DDX24: variants seen among roughly 807,000 people sequenced by gnomAD.
DDX24 encodes the protein ATP-dependent RNA helicase DDX24.
DDX24 carries 24 observed loss-of-function variants against 68.9 expected under a neutral mutation model. The ratio of observed to expected loss-of-function variants is 0.35; its 90% CI spans 0.25 to 0.49. The LOEUF (loss-of-function observed/expected upper bound fraction) is 0.49, where lower values mean the gene tolerates loss of function less well. Ranked by LOEUF, DDX24 falls within the 20% of genes least tolerant of loss-of-function variation. The probability of loss-of-function intolerance (pLI) is 0.99; values close to 1 mark genes in which losing one functional copy is unlikely to be tolerated. For synonymous variants in DDX24, 395 were observed against 385.2 expected, an observed-to-expected ratio of 1.03 and a Z score of -0.30; for missense variants, 989 against 1,039.0, an observed-to-expected ratio of 0.95 and a Z score of 0.66.
intron 5 of DDX24, among the ~76,000 whole-genome samples, chr14:94,058,599 G>A (rs1357011237): frequency 1.3e-5 from 2 of 152,174 alleles, no homozygotes; most frequent in Non-Finnish European, 1.5e-5. Context: ...TCTGGTTCAT[G>A]GTAAGCACTT....
intron 2 of DDX24, among the ~76,000 whole-genome samples, chr14:94,068,404 C>T (rs1885750811): frequency 6.6e-6 from 1 of 152,120 alleles, no homozygotes; most frequent in Admixed American, 6.6e-5. Context: ...GACAGCAACA[C>T]AATAATAGTG....
chr14:94,054,494 T>C (rs1885454588), intron 7 of DDX24, among the ~76,000 whole-genome samples: 4 of 152,174 alleles, frequency 2.6e-5, no homozygotes, highest in Non-Finnish European at 4.4e-5. Context: ...TGAACTTTAT[T>C]CACAGCTGGC....
At position 94,049,386 on chromosome 14, in the gene DDX24, A is replaced by C. The variant is rs2141418032; in HGVS notation, c.*1805T>G. 1 of 152,354 alleles carries C rather than the reference A, an allele frequency of 6.6e-6. No individual in the cohort carries two copies. 9.4% of individuals were successfully genotyped at this position (152,354 alleles called of 1,614,324 possible). A position where few individuals can be genotyped will look rare whatever the true frequency, so the allele number is the denominator to read the frequency against. ...GCTGTCAGTCAGGAGCTGACCTCAC[A>C]GACGGGCAATTTCCCCTCCTATTCC... On this transcript the variant is annotated 3_prime_UTR_variant, in exon 9 of 9. Coordinates refer to ENST00000621632, the MANE Select transcript of DDX24 (RefSeq NM_020414.4).
rs760419383 is a variant in DDX24, at chr14:94,055,141, G to C, written c.2033C>G (p.Thr678Ser). The change falls in exon 7 of 9, where the codon ACT (threonine) becomes AGT (serine). Residue 678 changes from threonine (T) to serine (S), a missense_variant. Around this residue, in one of 3 missense-constraint regions of DDX24, gnomAD observed 691 missense variants for 760.0 expected, o/e 0.91. Coordinates refer to ENST00000621632, the MANE Select transcript of DDX24 (RefSeq NM_020414.4). ...GAGGCCTTCATTGGTAGCTCGAGCA[G>C]TTCGACCACTTCGGTGGACATAAAT... ...SEIYVHRSGR[T>S]ARATNEGLSL... is the part of the protein sequence containing the mutation. 2.5e-6 allele frequency: 4 copies of C among 1,614,166 alleles called. No homozygotes were observed. Among genetic ancestry groups the C allele is most frequent in the East Asian group, 2.2e-5 (1 of 44,888 alleles).
At position 94,060,468 on chromosome 14, in the gene DDX24, G is replaced by C. The variant is rs1308959883; in HGVS notation, c.1543C>G (p.Gln515Glu). 1 of 1,614,072 alleles carries C rather than the reference G, an allele frequency of 6.2e-7. No individual in the cohort carries two copies. The highest frequency in any genetic ancestry group is 1.3e-5 in the African/African-American group (1 of 74,900). The change falls in exon 5 of 9, where the codon CAG (glutamine) becomes GAG (glutamate). Residue 515 changes from glutamine to glutamate, a missense_variant. Around this residue, in one of 3 missense-constraint regions of DDX24, gnomAD observed 691 missense variants for 760.0 expected, o/e 0.91. Coordinates refer to ENST00000621632, the MANE Select transcript of DDX24 (RefSeq NM_020414.4). ...TTATGAAGGATTCGAGCAGGAGCCT[G>C]ATGCACCAGGGTGAGTGTGGCAGAA... ...VFSATLTLVH[Q>E]APARILHKKH...
chr14:94,080,975 G>A (rs1886075877), intron 1 of DDX24, 144 bp downstream of exon 1: 1 of 152,218 alleles, frequency 6.6e-6, no homozygotes, highest in Admixed American at 6.5e-5. Context: ...GTGGCACGCA[G>A]CTCGGTTGGA....
chr14:94,072,492 G>A lies in DDX24; in HGVS notation c.718+6533C>T, dbSNP rs138797412. Among the ~76,000 whole-genome samples the A allele has an allele frequency of 2.6e-5, 4 of 152,302 alleles. No homozygotes were observed. In the East Asian group the frequency reaches 5.8e-4, roughly 22 times the overall value. On this transcript the variant is annotated intron_variant, in intron 2 of 8. Coordinates refer to ENST00000621632, the MANE Select transcript of DDX24 (RefSeq NM_020414.4). ...GCAAGGGATGAAATACTACAAATAT[G>A]GTGTAGCGTATATTGCTCGGGTGAT...
intron 5 of DDX24, among the ~76,000 whole-genome samples, chr14:94,059,501 T>TAA (rs767252003): frequency 1.3e-5 from 2 of 152,236 alleles, no homozygotes; most frequent in Non-Finnish European, 2.9e-5. Flanking sequence ...TAATAAGTAG[T>TAA]AAAGGGACTA....
At chr14:94,081,051 G>A (rs1886079477) in intron 1 of DDX24, 68 bp downstream of exon 1, 1 of 152,280 alleles carries the variant, frequency 6.6e-6, no homozygotes, top group Non-Finnish European at 1.5e-5. Flanking sequence ...ACCCGCGATA[G>A]GAACCCGGGT....
At chr14:94,058,860 G>A (rs1438789571) in intron 5 of DDX24, among the ~76,000 whole-genome samples, 1 of 152,152 alleles carries the variant, frequency 6.6e-6, no homozygotes, top group Admixed American at 6.5e-5. Flanking sequence ...AGTCTCTATG[G>A]CAACTATTCA....
chr14:94,061,312 C>A (rs912948184), intron 3 of DDX24, among the ~76,000 whole-genome samples: 1 of 152,118 alleles, frequency 6.6e-6, no homozygotes, highest in Admixed American at 6.5e-5. Flanking sequence ...TCCAACCACA[C>A]CAAAGGGGCT....
At position 94,055,085 on chromosome 14, in the gene DDX24, T is replaced by C. The variant is rs1567057402; in HGVS notation, c.2089A>G (p.Ile697Val). The C allele has an allele frequency of 6.2e-7, 1 of 1,614,120 alleles. No individual in the cohort carries two copies. Among genetic ancestry groups the C allele is most frequent in the Non-Finnish European group, 8.5e-7 (1 of 1,180,058 alleles). ...GTTTTGTAAATCTTCTTAAAGTTGA[T>C]CACATCCTCAGGCCCAATGAGCATC... is the stretch of plus-strand genomic sequence containing the variant. ...SLMLIGPEDV[I>V]NFKKIYKTLK... The change falls in exon 7 of 9, where the codon ATC becomes GTC. Residue 697 changes from isoleucine (I) to valine (V), a missense_variant. Ile to Val is a conservative substitution (Grantham distance 29). This residue lies in a region of DDX24 where 691 missense variants were observed against 760.0 expected (regional missense o/e 0.91). Coordinates refer to ENST00000621632, the MANE Select transcript of DDX24 (RefSeq NM_020414.4).
At position 94,062,541 on chromosome 14, in the gene DDX24, G is replaced by A. The variant is rs1286421506; in HGVS notation, c.799C>T (p.Pro267Ser). Residue 267 changes from proline (P) to serine (S), a missense_variant, in exon 3 of 9, where the codon CCA (proline) becomes TCA (serine). Physicochemically the swap from Pro to Ser is moderately conservative, Grantham distance 74. This residue lies in a region of DDX24 where 691 missense variants were observed against 760.0 expected (regional missense o/e 0.91). Transcript: ENST00000621632. ...CCAGGTGGTGCTTCGGTGTTACTTG[G>A]AGGAGGGGCAGCATTCCTCTTCTGC... ...QWQKRNAAPP[P>S]SNTEAPPGET... 6.2e-7 allele frequency: 1 copy of A among 1,614,200 alleles called. No homozygotes were observed. The highest frequency in any genetic ancestry group is 8.5e-7 in the Non-Finnish European group (1 of 1,180,034).
At chr14:94,070,529 C>CA (rs1170944784) in intron 2 of DDX24, among the ~76,000 whole-genome samples, 1 of 151,944 alleles carries the variant, frequency 6.6e-6, no homozygotes, top group African/African-American at 2.4e-5. Context: ...CATATGGAAC[C>CA]AAAAAAGAGC....
intron 5 of DDX24, 38 bp from the exon 6 acceptor site, chr14:94,057,935 C>T (rs1460678958): frequency 1.9e-6 from 3 of 1,590,576 alleles, no homozygotes; most frequent in Middle Eastern, 1.7e-4. Flanking sequence ...TAATAACTAA[C>T]AGCTATCTTT....
intron 2 of DDX24, among the ~76,000 whole-genome samples, chr14:94,074,359 T>C (rs923423470): frequency 2.0e-5 from 3 of 152,178 alleles, no homozygotes; most frequent in African/African-American, 4.8e-5. Context: ...CAAAATATAA[T>C]TAGAATAGTA....
chr14:94,051,164 T>G lies in DDX24; in HGVS notation c.*27A>C. The G allele has an allele frequency of 6.7e-7, 1 of 1,491,484 alleles. No individual in the cohort carries two copies. The highest frequency in any genetic ancestry group is 8.9e-7 in the Non-Finnish European group (1 of 1,124,854). The allele number at this position is 1,491,484 out of a possible 1,614,324, so 92.4% of individuals were successfully genotyped here. A position where few individuals can be genotyped will look rare whatever the true frequency, so the allele number is the denominator to read the frequency against. On this transcript the variant is annotated 3_prime_UTR_variant, in exon 9 of 9. Coordinates refer to ENST00000621632, the MANE Select transcript of DDX24 (RefSeq NM_020414.4). ...CAAATAGCCAGAGAACAGAAACCAA[T>G]GTGCAGTCACTGACACACTTGACCA...
chr14:94,071,415 G>T (rs939468169), intron 2 of DDX24, among the ~76,000 whole-genome samples: 5 of 152,168 alleles, frequency 3.3e-5, no homozygotes, highest in Non-Finnish European at 7.4e-5. Context: ...TCCGGAGGTT[G>T]AGGTGGGCAG....
chr14:94,078,176 G>A (rs1021031940), intron 2 of DDX24, among the ~76,000 whole-genome samples: 3 of 152,144 alleles, frequency 2.0e-5, no homozygotes, highest in Non-Finnish European at 2.9e-5. Flanking sequence ...TATACAGGAG[G>A]ATGTGCCTAT....
Sources: gnomAD v4.1 joint callset for allele counts (sites outside exome capture counted in the v4.1 genomes callset) on GRCh38, gnomAD v4.1.1 for gene constraint, gnomAD v4.1.1 regional missense constraint, MANE v1.5 for transcripts, NCBI Gene and HGNC (gene_info 2026-07-23, HGNC 2026-07-21) for gene names.